Variants in STAMBP observed in about 807,000 individuals in gnomAD.
STAMBP encodes the protein STAM-binding protein.
Under a neutral mutation model 50.7 loss-of-function variants are expected in STAMBP, and 31 were observed. That is an observed-to-expected ratio of 0.61 (90% confidence interval 0.46 to 0.83). STAMBP has a LOEUF of 0.83. Among genes scored for constraint, STAMBP ranks in the 40% least tolerant of loss-of-function variants. The pLI is 0.00. For synonymous variants in STAMBP, 211 were observed against 192.4 expected, an observed-to-expected ratio of 1.10 and a Z score of -0.80; for missense variants, 472 against 518.9, an observed-to-expected ratio of 0.91 and a Z score of 0.88.
intron 7 of STAMBP, among the ~76,000 whole-genome samples, chr2:73,856,716 A>G (rs75827260): frequency 0.011 from 1,657 of 152,250 alleles, 35 homozygotes; most frequent in African/African-American, 0.038. Context: ...AGTTCTTCCA[A>G]TTTGGTTCAA....
chr2:73,843,828 A>G (rs959235961), intron 2 of STAMBP, among the ~76,000 whole-genome samples: 1 of 152,226 alleles, frequency 6.6e-6, no homozygotes, highest in African/African-American at 2.4e-5. Flanking sequence ...CCCAATTACA[A>G]TATAATATTT....
rs557568641 is a variant in STAMBP at position 73,873,028 on chromosome 2, A to C, written c.*46-324A>C. ...AGAAATGATGGAATCTCACTAAAGCACAAGATATGGTAAATGTAATTCTAC... is the reference window on the plus strand; with the variant it reads ...AGAAATGATGGAATCTCACTAAAGCCCAAGATATGGTAAATGTAATTCTAC... On this transcript the variant is annotated intron_variant, in intron 10 of 10. Transcript: ENST00000409707. 2.0e-5 allele frequency among the ~76,000 whole-genome samples: 3 copies of C among 152,350 alleles called. No homozygotes were observed. In the East Asian group the frequency reaches 5.8e-4, roughly 29 times the overall value.
At chr2:73,871,078 T>A (rs1679179633), downstream of STAMBP, among the ~76,000 whole-genome samples, 1 of 152,172 alleles carries the variant, frequency 6.6e-6, no homozygotes, top group East Asian at 1.9e-4. Flanking sequence ...GCCAAGAGTT[T>A]AAAATTATTT....
At chr2:73,872,919 C>T (rs551958568) in intron 10 of STAMBP, among the ~76,000 whole-genome samples, 1 of 152,232 alleles carries the variant, frequency 6.6e-6, no homozygotes, top group South Asian at 2.1e-4. Flanking sequence ...ACATTCCTAC[C>T]GTGGATGGGC....
At chr2:73,855,733 G>A (rs1187087817) in intron 7 of STAMBP, 1 of 455,860 alleles carries the variant, frequency 2.2e-6, no homozygotes, top group African/African-American at 2.0e-5. Flanking sequence ...CTTCCACAGT[G>A]AGCTCATCAC....
chr2:73,835,914 G>A (rs991208542), intron 2 of STAMBP, among the ~76,000 whole-genome samples: 2 of 152,108 alleles, frequency 1.3e-5, no homozygotes, highest in African/African-American at 4.8e-5. Flanking sequence ...GTCTGGGCTG[G>A]AAATACAGAC....
intron 2 of STAMBP, among the ~76,000 whole-genome samples, chr2:73,843,433 T>TATAA (rs1199940433): frequency 3.4e-5 from 5 of 146,818 alleles, no homozygotes; most frequent in African/African-American, 1.0e-4. Context: ...TATATATATA[T>TATAA]AAATTAAAAA....
At chr2:73,834,625 G>A (rs1674500690) in intron 2 of STAMBP, among the ~76,000 whole-genome samples, 1 of 151,994 alleles carries the variant, frequency 6.6e-6, no homozygotes, top group Non-Finnish European at 1.5e-5. Context: ...CCACACCATT[G>A]AAACCCATGT....
At chr2:73,846,306 A>G (rs1676045690) in intron 4 of STAMBP, among the ~76,000 whole-genome samples, 1 of 152,172 alleles carries the variant, frequency 6.6e-6, no homozygotes, top group Non-Finnish European at 1.5e-5. Context: ...ATTTTGGGTT[A>G]AAATTCAGTA....
chr2:73,869,945 A>C (rs1573436586), downstream of STAMBP, among the ~76,000 whole-genome samples: 3 of 152,324 alleles, frequency 2.0e-5, no homozygotes, highest in East Asian at 3.9e-4. Flanking sequence ...CCTAAAATAT[A>C]CATTAATACA....
rs771783673 is a variant in STAMBP at position 73,845,249 on chromosome 2, A to T, written c.362A>T (p.Tyr121Phe). 1.9e-6 allele frequency: 3 copies of T among 1,612,750 alleles called. No homozygotes were observed. The highest frequency in any genetic ancestry group is 2.5e-6 in the Non-Finnish European group (3 of 1,178,894). ...LKRYTKEYTE[Y>F]NEEKKKEAEE... is the part of the protein sequence containing the mutation. The stretch of plus-strand genomic sequence containing the variant: ...CGATATACCAAAGAATATACAGAAT[A>T]TAATGAAGAAAAGGTCAGTATATAA... Residue 121 changes from tyrosine to phenylalanine, a missense_variant, in exon 4 of 10, where the codon TAT becomes TTT. By Grantham distance (22) the Tyr-to-Phe change is conservative. Transcript: ENST00000394070.
At chr2:73,853,654 G>A (rs982775039) in intron 7 of STAMBP, among the ~76,000 whole-genome samples, 2 of 152,190 alleles carry the variant, frequency 1.3e-5, no homozygotes, top group Admixed American at 6.5e-5. Context: ...CCCCAGAGGC[G>A]GAGGTTGTGG....
chr2:73,855,547 C>G (rs541451731), intron 7 of STAMBP: 1 of 455,012 alleles, frequency 2.2e-6, no homozygotes, highest in Non-Finnish European at 4.4e-6. Flanking sequence ...ATCCTGGACT[C>G]TAACCATGGG....
intron 7 of STAMBP, among the ~76,000 whole-genome samples, chr2:73,851,058 A>T (rs558768313): frequency 3.9e-5 from 6 of 152,322 alleles, no homozygotes; most frequent in South Asian, 4.1e-4. Context: ...GATTATTTTT[A>T]AATTTTTCTT....
intron 8 of STAMBP, among the ~76,000 whole-genome samples, chr2:73,859,618 A>G (rs1678039589): frequency 6.6e-6 from 1 of 152,064 alleles, no homozygotes; most frequent in South Asian, 2.1e-4. Flanking sequence ...GAAGTGTTTG[A>G]CTTGAAGCGA....
At position 73,831,046 on chromosome 2, in the gene STAMBP, A is replaced by G. The variant is rs1304265018; in HGVS notation, c.190A>G (p.Asn64Asp). 18 of 1,614,104 alleles carry G rather than the reference A, an allele frequency of 1.1e-5. No individual in the cohort carries two copies. Among genetic ancestry groups the G allele is most frequent in the Non-Finnish European group, 1.4e-5 (17 of 1,179,914 alleles). The change falls in exon 2 of 10, where the codon AAC becomes GAC. Residue 64 changes from asparagine (N) to aspartate (D), a missense_variant. By Grantham distance (23) the Asn-to-Asp change is conservative. Coordinates refer to ENST00000394070, the MANE Select transcript of STAMBP (RefSeq NM_213622.4). ...GNIEHAFILY[N>D]KYITLFIEKL... ...CATTGAACATGCCTTCATCCTCTAT[A>G]ACAAGTATATCACGTAAGACACCTA...
intron 2 of STAMBP, among the ~76,000 whole-genome samples, chr2:73,838,169 AT>A (rs1251913024): frequency 6.6e-6 from 1 of 152,100 alleles, no homozygotes; most frequent in Non-Finnish European, 1.5e-5. Context: ...AAAGTGGCAA[AT>A]TTTTTTCTAT....
intron 2 of STAMBP, among the ~76,000 whole-genome samples, chr2:73,832,081 T>C (rs896222681): frequency 2.3e-5 from 2 of 85,124 alleles, no homozygotes; most frequent in African/African-American, 1.3e-4. Context: ...TTTGAGTAGG[T>C]AACATATATA....
chr2:73,870,868 G>A (rs746663418), downstream of STAMBP, among the ~76,000 whole-genome samples: 3 of 152,136 alleles, frequency 2.0e-5, no homozygotes, highest in Non-Finnish European at 4.4e-5. Flanking sequence ...AGACACCTGT[G>A]TCTAGAACTT....
Sources: gnomAD v4.1 joint callset for allele counts (sites outside exome capture counted in the v4.1 genomes callset) on GRCh38, gnomAD v4.1.1 for gene constraint, MANE v1.5 for transcripts, NCBI Gene and HGNC (gene_info 2026-07-23, HGNC 2026-07-21) for gene names.